The following CA8 variants were observed in gnomAD, a reference collection of about 807,000 sequenced individuals.
CA8 encodes the protein carbonic anhydrase-related protein.
Under a neutral mutation model 41.4 loss-of-function variants are expected in CA8, and 22 were observed. That is an observed-to-expected ratio of 0.53 (90% CI 0.38 to 0.76). The LOEUF is 0.76. CA8 is among the 30% of genes least tolerant of loss of function. The pLI is 0.00. For missense variants in CA8, 270 were observed against 352.8 expected (o/e 0.77, Z 1.88); for synonymous variants, 121 against 130.6 (o/e 0.93, Z 0.50).
chr8:60,255,804 T>C (rs1317639086), intron 3 of CA8, among the ~76,000 whole-genome samples: 3 of 152,234 alleles, frequency 2.0e-5, no homozygotes, highest in African/African-American at 7.2e-5. Context: ...GCTCTTAAAA[T>C]GTTTTTAGAA....
chr8:60,194,871 C>A (rs1017797522), intron 8 of CA8, among the ~76,000 whole-genome samples: 4 of 152,094 alleles, frequency 2.6e-5, no homozygotes, highest in African/African-American at 9.7e-5. Flanking sequence ...AATCTCTTTC[C>A]TGTTATTTTA....
At chr8:60,254,452 G>T in intron 3 of CA8, among the ~76,000 whole-genome samples, 1 of 152,174 alleles carries the variant, frequency 6.6e-6, no homozygotes, top group East Asian at 1.9e-4. Flanking sequence ...AGTTAGAATA[G>T]AAAACAGCAA....
intron 8 of CA8, among the ~76,000 whole-genome samples, chr8:60,206,910 T>A (rs1025457059): frequency 8.6e-5 from 13 of 151,578 alleles, no homozygotes; most frequent in African/African-American, 3.2e-4. Context: ...CACCCCAGCA[T>A]ATAGACAAGT....
intron 3 of CA8, among the ~76,000 whole-genome samples, chr8:60,251,819 A>T (rs1430595500): frequency 1.3e-5 from 2 of 152,206 alleles, no homozygotes; most frequent in African/African-American, 4.8e-5. Flanking sequence ...GCAATCAAGT[A>T]TAATTTTTCC....
At chr8:60,194,665 C>T (rs985436968) in intron 8 of CA8, among the ~76,000 whole-genome samples, 1 of 152,168 alleles carries the variant, frequency 6.6e-6, no homozygotes, top group South Asian at 2.1e-4. Flanking sequence ...TCTTTAGCCT[C>T]CTTTTACTCC....
intron 8 of CA8, among the ~76,000 whole-genome samples, chr8:60,206,903 C>A (rs978177535): frequency 3.3e-5 from 5 of 152,074 alleles, no homozygotes; most frequent in Admixed American, 3.3e-4. Flanking sequence ...TTTCCCACAC[C>A]CCAGCATATA....
chr8:60,255,908 A>AT (rs35554184), intron 3 of CA8, among the ~76,000 whole-genome samples: 52,757 of 143,330 alleles, frequency 0.37, 9,764 homozygotes, highest in African/African-American at 0.43. Flanking sequence ...TACGCTATTA[A>AT]TTTTTTTTTT....
At chr8:60,255,075 C>T (rs1448453252) in intron 3 of CA8, among the ~76,000 whole-genome samples, 3 of 152,060 alleles carry the variant, frequency 2.0e-5, no homozygotes, top group Non-Finnish European at 4.4e-5. Context: ...CTAATGGGAC[C>T]GCTGCTTCCC....
chr8:60,227,305 C>A (rs1563355919), intron 4 of CA8, among the ~76,000 whole-genome samples: 1 of 151,410 alleles, frequency 6.6e-6, no homozygotes, highest in African/African-American at 2.4e-5. Flanking sequence ...AAAAAAAAAA[C>A]TAACAGAACT....
Position 60,229,411 on chromosome 8 carries a change from G to A in CA8, c.514-2476C>T, listed in dbSNP as rs555526823. Among the ~76,000 whole-genome samples, 22 of 152,196 alleles carry A rather than the reference G, an allele frequency of 1.4e-4. No individual in the cohort carries two copies. In the South Asian group the frequency reaches 3.1e-3, roughly 22 times the overall value. ...CCTTCAGGGTGGAACTCTGACCCAC[G>A]TGCTCAAGCCATCCTCCCGAGGGGA... On this transcript the variant is annotated intron_variant, in intron 4 of 8. Coordinates refer to ENST00000317995, the MANE Select transcript of CA8 (RefSeq NM_004056.6).
intron 8 of CA8, among the ~76,000 whole-genome samples, chr8:60,200,137 C>G (rs1452081423): frequency 1.3e-5 from 2 of 152,204 alleles, no homozygotes; most frequent in East Asian, 3.9e-4. Flanking sequence ...GCCCCTTCTA[C>G]CATGTGAGGA....
At chr8:60,230,127 G>C (rs893567321) in intron 4 of CA8, among the ~76,000 whole-genome samples, 2 of 152,140 alleles carry the variant, frequency 1.3e-5, no homozygotes, top group Admixed American at 1.3e-4. Context: ...GATAATGAAG[G>C]TTGTCAGGCA....
At chr8:60,256,763 T>G (rs1808654624) in intron 3 of CA8, among the ~76,000 whole-genome samples, 1 of 152,156 alleles carries the variant, frequency 6.6e-6, no homozygotes. Flanking sequence ...TAAAACAAAT[T>G]TTACTGTATA....
At chr8:60,231,235 C>T (rs1237956259) in intron 4 of CA8, among the ~76,000 whole-genome samples, 1 of 152,048 alleles carries the variant, frequency 6.6e-6, no homozygotes, top group African/African-American at 2.4e-5. Flanking sequence ...TAGGTCCCCA[C>T]CTGTGACACC....
Position 60,190,957 on chromosome 8 carries a change from T to TATATATATATATACATATATATACACAC in CA8, c.*36-973_*36-972insGTGTGTATATATATGTATATATATATAT, listed in dbSNP as rs1554573722. On this transcript the variant is annotated intron_variant, in intron 8 of 8. Coordinates refer to ENST00000317995, the MANE Select transcript of CA8 (RefSeq NM_004056.6). Reference sequence around the variant, plus strand: ...CACACACTATATATATATATATATATACACACACACATTTCTACATATGCA... The same window carrying TATATATATATATACATATATATACACAC: ...CACACACTATATATATATATATATATATATATATATATACATATATATACACACACACACACACATTTCTACATATGCA... Among the ~76,000 whole-genome samples, 16 of 104,244 alleles carry TATATATATATATACATATATATACACAC rather than the reference T, an allele frequency of 1.5e-4. 1 individual carries two copies. The highest frequency in any genetic ancestry group is 9.0e-4 in the Admixed American group (9 of 9,948). The allele number at this position is 104,244 out of a possible 152,430, so 68.4% of individuals were successfully genotyped here.
At chr8:60,227,905 T>G (rs980127019) in intron 4 of CA8, among the ~76,000 whole-genome samples, 31 of 152,282 alleles carry the variant, frequency 2.0e-4, no homozygotes, top group African/African-American at 7.5e-4. Flanking sequence ...TTTAAAACTT[T>G]TAAGTGAAAT....
chr8:60,211,421 A>C (rs1806831850), intron 7 of CA8, among the ~76,000 whole-genome samples: 1 of 152,368 alleles, frequency 6.6e-6, no homozygotes, highest in South Asian at 2.1e-4. Flanking sequence ...TAATACCTGC[A>C]ACCTGAACCT....
chr8:60,245,292 C>T (rs1295370562), intron 3 of CA8, among the ~76,000 whole-genome samples: 3 of 151,960 alleles, frequency 2.0e-5, no homozygotes, highest in Non-Finnish European at 2.9e-5. Context: ...AAAAAATTAT[C>T]TTAAGTGGAG....
chr8:60,269,403 T>C (rs2130607924), intron 2 of CA8, among the ~76,000 whole-genome samples: 2 of 152,324 alleles, frequency 1.3e-5, no homozygotes, highest in South Asian at 4.1e-4. Flanking sequence ...CTCCTACTGA[T>C]GACAGGCTGA....
Sources: allele counts gnomAD v4.1 joint callset (sites outside exome capture counted in the v4.1 genomes callset), GRCh38; gene constraint gnomAD v4.1.1; transcripts MANE v1.5; gene names NCBI Gene and HGNC (gene_info 2026-07-23, HGNC 2026-07-21).